The following SP140L variants were observed in gnomAD, a reference collection of about 807,000 sequenced individuals.
SP140L encodes nuclear body protein SP140-like protein.
SP140L carries 64 observed loss-of-function variants against 84.3 expected under a neutral mutation model. The ratio of observed to expected loss-of-function variants is 0.76; its 90% CI spans 0.62 to 0.94. SP140L has a LOEUF of 0.94. SP140L is among the 40% of genes least tolerant of loss of function. The probability of loss-of-function intolerance (pLI) is 0.00; values close to 1 mark genes in which losing one functional copy is unlikely to be tolerated. For synonymous variants in SP140L, 242 were observed against 236.9 expected (o/e 1.02, Z -0.20); for missense variants, 628 against 692.5 (o/e 0.91, Z 1.05).
At chr2:230,365,524 T>C (rs866110101) in intron 5 of SP140L, among the ~76,000 whole-genome samples, 6 of 152,032 alleles carry the variant, frequency 3.9e-5, no homozygotes, top group African/African-American at 1.4e-4. Context: ...TTTGAGTCTT[T>C]TCTTTTTTTT....
intron 7 of SP140L, among the ~76,000 whole-genome samples, chr2:230,380,954 T>C (rs1256265453): frequency 2.8e-5 from 4 of 142,324 alleles, no homozygotes; most frequent in Non-Finnish European, 1.6e-5. Context: ...GAAGTCTTCC[T>C]GTTTTTTCAT....
chr2:230,335,348 C>A (rs2059837999), intron 2 of SP140L, among the ~76,000 whole-genome samples: 5 of 152,200 alleles, frequency 3.3e-5, no homozygotes, highest in Admixed American at 1.3e-4. Flanking sequence ...TGAATATTCA[C>A]CTCTGTGCCA....
At chr2:230,396,287 C>CAGAT (rs989315549) in intron 13 of SP140L, among the ~76,000 whole-genome samples, 2 of 152,082 alleles carry the variant, frequency 1.3e-5, no homozygotes, top group African/African-American at 4.8e-5. Context: ...TCCAAAAAAT[C>CAGAT]AGATATGAGG....
In SP140L at chr2:230,396,800, T is replaced by A; in HGVS notation, c.1197+2T>A. The A allele has an allele frequency of 6.2e-7, 1 of 1,614,002 alleles. No homozygotes were observed. The highest frequency in any genetic ancestry group is 8.5e-7 in the Non-Finnish European group (1 of 1,179,904). ...AACAATAGCTCAGTTGACCCTTGTG[T>A]AAGTATAAATTCTGAACTACAACCC... On this transcript the variant is annotated splice_donor_variant, in intron 14 of 18. Transcript: ENST00000415673. LOFTEE classifies it high-confidence loss of function.
chr2:230,328,775 T>C lies in SP140L; in HGVS notation c.51T>C (p.Val17=). The part of the protein sequence containing the change: ...DLSTRGLNGG[V]SQVANEMNHL... ...TTTTTAGGGGGCTGAACGGAGGTGT[T>C]TCACAAGTAGCAAATGAGATGAACC... Residue 17 remains valine, a synonymous_variant, in exon 2 of 19, where the codon GTT becomes GTC. Transcript: ENST00000415673. 1.9e-6 allele frequency: 3 copies of C among 1,612,966 alleles called. No homozygotes were observed. Among genetic ancestry groups the C allele is most frequent in the Non-Finnish European group, 2.5e-6 (3 of 1,179,334 alleles).
intron 10 of SP140L, among the ~76,000 whole-genome samples, chr2:230,389,388 C>A (rs1022594121): frequency 3.9e-5 from 6 of 152,254 alleles, no homozygotes; most frequent in African/African-American, 1.4e-4. Flanking sequence ...GAGCTCCTTT[C>A]TCAGCTGTGG....
At chr2:230,332,164 A>G (rs975487920) in intron 2 of SP140L, among the ~76,000 whole-genome samples, 1 of 152,192 alleles carries the variant, frequency 6.6e-6, no homozygotes, top group Non-Finnish European at 1.5e-5. Flanking sequence ...CATGTATAGG[A>G]TATTTATCAA....
chr2:230,327,277 G>C lies in SP140L; in HGVS notation c.8G>C (p.Gly3Ala). ...AGGGCCTAGGGTGGGACGATGGCAG[G>C]TGGGGGCAGCGACCTGAGCACCAGG... The part of the protein sequence containing the change: MA[G>A]GGSDLSTRGL... Residue 3 changes from glycine to alanine, a missense_variant, in exon 1 of 19, where the codon GGT (glycine) becomes GCT (alanine). By Grantham distance (60) the Gly-to-Ala change is moderately conservative. This residue lies in a region of SP140L where 525 missense variants were observed against 518.4 expected (regional missense o/e 1.01). Coordinates refer to ENST00000415673, the MANE Select transcript of SP140L (RefSeq NM_138402.6). The C allele has an allele frequency of 6.2e-7, 1 of 1,611,802 alleles. No homozygotes were observed. The highest frequency in any genetic ancestry group is 1.3e-5 in the African/African-American group (1 of 74,994).
chr2:230,382,272 G>C (rs1240654995), intron 7 of SP140L, among the ~76,000 whole-genome samples: 4 of 151,288 alleles, frequency 2.6e-5, no homozygotes, highest in African/African-American at 9.7e-5. Context: ...CTCATGCCTG[G>C]TGCGGAGAGG....
chr2:230,395,380 C>T (rs1484675840), intron 13 of SP140L, among the ~76,000 whole-genome samples: 2 of 151,934 alleles, frequency 1.3e-5, no homozygotes, highest in African/African-American at 2.4e-5. Context: ...GAATTTGAGA[C>T]CAACCTGGAC....
intron 15 of SP140L, 76 bp downstream of exon 15, chr2:230,400,318 G>A: frequency 1.4e-6 from 2 of 1,395,176 alleles, no homozygotes; most frequent in Non-Finnish European, 2.0e-6. Flanking sequence ...CCAGCAGAAT[G>A]TCTGCTTGTG....
intron 2 of SP140L, among the ~76,000 whole-genome samples, chr2:230,341,429 TG>T (rs1302835976): frequency 9.2e-6 from 1 of 108,840 alleles, no homozygotes; most frequent in Non-Finnish European, 1.8e-5. Context: ...TCTTTGCCTT[TG>T]GTTTGAATGT....
intron 5 of SP140L, among the ~76,000 whole-genome samples, chr2:230,365,654 T>A (rs1347462841): frequency 1.3e-5 from 2 of 152,038 alleles, no homozygotes; most frequent in Non-Finnish European, 2.9e-5. Context: ...TATTTATTAT[T>A]TCCTTCTTTC....
At chr2:230,355,295 T>C (rs1437220360) in intron 2 of SP140L, among the ~76,000 whole-genome samples, 1 of 152,172 alleles carries the variant, frequency 6.6e-6, no homozygotes, top group Non-Finnish European at 1.5e-5. Flanking sequence ...AAACCAATCA[T>C]ATCTCCTACA....
At chr2:230,330,114 C>T (rs568119504) in intron 2 of SP140L, among the ~76,000 whole-genome samples, 1 of 152,298 alleles carries the variant, frequency 6.6e-6, no homozygotes, top group Admixed American at 6.5e-5. Flanking sequence ...CAGGGCAGCT[C>T]ACCCTAAATA....
At chr2:230,375,515 G>A (rs192072140) in intron 7 of SP140L, among the ~76,000 whole-genome samples, 70 of 152,200 alleles carry the variant, frequency 4.6e-4, no homozygotes, top group African/African-American at 1.6e-3. Context: ...CCCACTTACA[G>A]CATACAGGGG....
intron 8 of SP140L, among the ~76,000 whole-genome samples, chr2:230,384,630 T>C (rs1028122439): frequency 6.6e-6 from 1 of 152,174 alleles, no homozygotes. Flanking sequence ...TGGGTGTTTT[T>C]GGCCGGGCAT....
intron 2 of SP140L, among the ~76,000 whole-genome samples, chr2:230,353,571 G>A (rs1022032843): frequency 6.6e-6 from 1 of 151,910 alleles, no homozygotes; most frequent in African/African-American, 2.4e-5. Flanking sequence ...TTTATTTAAA[G>A]TTGCATACCA....
At chr2:230,348,198 A>C (rs146267950) in intron 2 of SP140L, among the ~76,000 whole-genome samples, 3 of 152,344 alleles carry the variant, frequency 2.0e-5, no homozygotes, top group Non-Finnish European at 4.4e-5. Flanking sequence ...TGTATGACTC[A>C]AGAATTTAAC....
Sources: gnomAD v4.1 joint callset for allele counts (sites outside exome capture counted in the v4.1 genomes callset) on GRCh38, gnomAD v4.1.1 for gene constraint, gnomAD v4.1.1 regional missense constraint, MANE v1.5 for transcripts, NCBI Gene and HGNC (gene_info 2026-07-23, HGNC 2026-07-21) for gene names.